Variants in POU2F1 observed in about 807,000 individuals in gnomAD.
POU2F1 encodes the protein POU class 2 homeobox 1, also known as POU domain, class 2, transcription factor 1.
Under a neutral mutation model 84.9 loss-of-function variants are expected in POU2F1, and 16 were observed. The ratio of observed to expected loss-of-function variants is 0.19; its 90% CI spans 0.13 to 0.29. POU2F1 has a LOEUF of 0.29. POU2F1 is among the 10% of genes least tolerant of loss of function. POU2F1 has a pLI of 1.00. For missense variants in POU2F1, 738 were observed against 942.6 expected (o/e 0.78, Z 2.84); for synonymous variants, 368 against 368.3 (o/e 1.00, Z 0.01).
chr1:167,277,723 C>T (rs1387397325), intron 1 of POU2F1, among the ~76,000 whole-genome samples: 2 of 152,148 alleles, frequency 1.3e-5, no homozygotes, highest in Admixed American at 6.5e-5. Flanking sequence ...AGTTACTACT[C>T]GCTGATGCCG....
At position 167,374,182 on chromosome 1, in the gene POU2F1, A is replaced by AG. The variant is rs762288852; in HGVS notation, c.478dup (p.Val160GlyfsTer139). 1 of 1,613,918 alleles carries AG rather than the reference A, an allele frequency of 6.2e-7. No individual in the cohort carries two copies. On this transcript the variant is annotated frameshift_variant, in exon 6 of 16. Transcript: ENST00000367866. LOFTEE classifies it high-confidence loss of function. ...CACAGGCACAGCTGCTGGCTGCTGC[A>AG]GTGCAGCAGCACTCCGCCAGCCAGC... is the stretch of plus-strand genomic sequence containing the variant.
In POU2F1 at chr1:167,423,871, C is replaced by G. The variant is rs1157975191; in HGVS notation, c.*8061C>G. On this transcript the variant is annotated 3_prime_UTR_variant, in exon 16 of 16. Coordinates refer to ENST00000367866, the MANE Select transcript of POU2F1 (RefSeq NM_002697.4). Reference sequence around the variant, plus strand: ...AACATTATATCCCAAAGTCTGCAGGCAGACAGCTGGATACAGCGCTGTGTA... The same window carrying G: ...AACATTATATCCCAAAGTCTGCAGGGAGACAGCTGGATACAGCGCTGTGTA... The G allele has an allele frequency of 6.6e-6, 1 of 152,224 alleles. No homozygotes were observed. The highest frequency in any genetic ancestry group is 2.4e-5 in the African/African-American group (1 of 41,458). 9.4% of individuals were successfully genotyped at this position (152,224 alleles called of 1,614,324 possible). A position where few individuals can be genotyped will look rare whatever the true frequency, so the allele number is the denominator to read the frequency against.
intron 1 of POU2F1, among the ~76,000 whole-genome samples, chr1:167,254,410 G>A (rs1054045551): frequency 6.6e-6 from 1 of 152,214 alleles, no homozygotes; most frequent in Non-Finnish European, 1.5e-5. Context: ...GTCTGGCCCT[G>A]AAGGTGGGCA....
rs1250082805 is a variant in POU2F1 at position 167,418,671 on chromosome 1, C to T, written c.*2861C>T. 1 of 151,958 alleles carries T rather than the reference C, an allele frequency of 6.6e-6. No homozygotes were observed. Among genetic ancestry groups the T allele is most frequent in the African/African-American group, 2.4e-5 (1 of 41,388 alleles). 9.4% of individuals were successfully genotyped at this position (151,958 alleles called of 1,614,324 possible). A position where few individuals can be genotyped will look rare whatever the true frequency, so the allele number is the denominator to read the frequency against. ...GCTGTTTGGGTGGTTTTTTTTTCCC[C>T]ACATATGGTTTAGAAAATGATCCCT... On this transcript the variant is annotated 3_prime_UTR_variant, in exon 16 of 16. Coordinates refer to ENST00000367866, the MANE Select transcript of POU2F1 (RefSeq NM_002697.4).
chr1:167,355,416 C>T (rs928341176), intron 2 of POU2F1, among the ~76,000 whole-genome samples: 1 of 152,064 alleles, frequency 6.6e-6, no homozygotes, highest in Non-Finnish European at 1.5e-5. Flanking sequence ...TATTATTGCT[C>T]TCTAAATGTT....
At chr1:167,315,616 A>C (rs927475953) in intron 1 of POU2F1, among the ~76,000 whole-genome samples, 1 of 151,940 alleles carries the variant, frequency 6.6e-6, no homozygotes, top group African/African-American at 2.4e-5. Flanking sequence ...TCTCTAAAAA[A>C]AATTGTTTTT....
At chr1:167,414,460 T>A (rs1650177641) in intron 15 of POU2F1, 1 of 985,334 alleles carries the variant, frequency 1.0e-6, no homozygotes, top group Non-Finnish European at 1.2e-6. Flanking sequence ...TTCAGCTATA[T>A]TTTATGTAAG....
chr1:167,334,845 G>A (rs1229469064), intron 2 of POU2F1, among the ~76,000 whole-genome samples: 1 of 152,122 alleles, frequency 6.6e-6, no homozygotes, highest in African/African-American at 2.4e-5. Flanking sequence ...GTTTATGAAA[G>A]CAAGTAAAAT....
intron 2 of POU2F1, among the ~76,000 whole-genome samples, chr1:167,348,045 G>GTATA (rs896428410): frequency 1.3e-5 from 2 of 152,036 alleles, no homozygotes; most frequent in Non-Finnish European, 2.9e-5. Context: ...TTTATTTTGG[G>GTATA]TATATAGTCA....
At chr1:167,391,245 A>G (rs1304273432) in intron 9 of POU2F1, among the ~76,000 whole-genome samples, 1 of 151,920 alleles carries the variant, frequency 6.6e-6, no homozygotes, top group Admixed American at 6.6e-5. Flanking sequence ...CAGCCTGCAA[A>G]TAATACTTTT....
chr1:167,341,504 C>A (rs1657850204), intron 2 of POU2F1, among the ~76,000 whole-genome samples: 1 of 152,016 alleles, frequency 6.6e-6, no homozygotes, highest in Non-Finnish European at 1.5e-5. Flanking sequence ...GGGGAGAGTT[C>A]CCTGACCCCC....
chr1:167,251,719 T>C (rs1054224258), intron 1 of POU2F1, among the ~76,000 whole-genome samples: 5 of 152,186 alleles, frequency 3.3e-5, no homozygotes, highest in Non-Finnish European at 7.3e-5. Flanking sequence ...TAGGTTTCTT[T>C]ACGTATTAGG....
intron 1 of POU2F1, among the ~76,000 whole-genome samples, chr1:167,258,482 T>G (rs1439586282): frequency 6.6e-6 from 1 of 152,238 alleles, no homozygotes; most frequent in Non-Finnish European, 1.5e-5. Flanking sequence ...GCTTTCTTCT[T>G]TACTAATAAT....
At chr1:167,366,883 G>A (rs944034422) in intron 3 of POU2F1, among the ~76,000 whole-genome samples, 1 of 152,042 alleles carries the variant, frequency 6.6e-6, no homozygotes, top group African/African-American at 2.4e-5. Flanking sequence ...TTGTCACCTA[G>A]TAAGCATCTT....
intron 1 of POU2F1, among the ~76,000 whole-genome samples, chr1:167,233,467 C>G (rs954171138): frequency 6.6e-6 from 1 of 152,076 alleles, no homozygotes; most frequent in Non-Finnish European, 1.5e-5. Context: ...AAATACTTAC[C>G]ATTGTGTTAG....
At chr1:167,363,024 A>G (rs113299648) in intron 2 of POU2F1, among the ~76,000 whole-genome samples, 6,705 of 152,278 alleles carry the variant, frequency 0.044, 184 homozygotes, top group African/African-American at 0.081. Flanking sequence ...ATTTTACAAT[A>G]CAGAGACCAT....
intron 1 of POU2F1, among the ~76,000 whole-genome samples, chr1:167,310,844 G>A (rs2102599618): frequency 6.6e-6 from 1 of 152,254 alleles, no homozygotes; most frequent in African/African-American, 2.4e-5. Context: ...TTTTAGAACA[G>A]ACAGCTACAA....
chr1:167,307,858 T>A (rs1655188806), intron 1 of POU2F1, among the ~76,000 whole-genome samples: 1 of 152,202 alleles, frequency 6.6e-6, no homozygotes, highest in Non-Finnish European at 1.5e-5. Context: ...TTACTGTTGT[T>A]CAATCTGGAA....
intron 1 of POU2F1, among the ~76,000 whole-genome samples, chr1:167,318,106 ATTTG>A (rs1656047616): frequency 6.6e-6 from 1 of 152,152 alleles, no homozygotes; most frequent in South Asian, 2.1e-4. Context: ...TGCTTTAAGT[ATTTG>A]TTCTTTTAAT....
Sources: allele counts gnomAD v4.1 joint callset (sites outside exome capture counted in the v4.1 genomes callset), GRCh38; gene constraint gnomAD v4.1.1; transcripts MANE v1.5; gene names NCBI Gene and HGNC (gene_info 2026-07-23, HGNC 2026-07-21).